Variants in ABHD12 observed in about 807,000 individuals in gnomAD.
The protein encoded by ABHD12 is lysophosphatidylserine lipase ABHD12.
Under a neutral mutation model 58.3 loss-of-function variants are expected in ABHD12, and 43 were observed. The observed-to-expected ratio is 0.74, with a 90% CI of 0.58 to 0.95. The LOEUF is 0.95. ABHD12 is among the 40% of genes least tolerant of loss of function. The pLI, the probability that ABHD12 is intolerant of heterozygous loss-of-function variation, is 0.00. For synonymous variants in ABHD12, 219 were observed against 211.2 expected (o/e 1.04, Z -0.32); for missense variants, 539 against 537.2 (o/e 1.00, Z -0.03).
Position 25,300,291 on chromosome 20 carries a change from G to T in ABHD12, c.*554C>A. 2 of 1,025,804 alleles carry T rather than the reference G, an allele frequency of 1.9e-6. No homozygotes were observed. The highest frequency in any genetic ancestry group is 4.9e-4 in the Middle Eastern group (1 of 2,056). The allele number at this position is 1,025,804 out of a possible 1,614,324, so 63.5% of individuals were successfully genotyped here. On this transcript the variant is annotated 3_prime_UTR_variant, in exon 13 of 13. Coordinates refer to ENST00000339157, the MANE Select transcript of ABHD12 (RefSeq NM_001042472.3). ...GGTGTACAGGTAGGTGAAAGGGGAG[G>T]AAGTGCAGATCCCGGGCACTTCCAC...
rs561806071 is a variant in ABHD12, at chr20:25,341,415, T to C, written c.192-2064A>G. On this transcript the variant is annotated intron_variant, in intron 1 of 12. Coordinates refer to ENST00000339157, the MANE Select transcript of ABHD12 (RefSeq NM_001042472.3). ...GTCATCTTAAACGCCATACATGATC[T>C]AGCTTTTCAATGAGGGTACATTAAT... Among the ~76,000 whole-genome samples the C allele has an allele frequency of 2.6e-5, 4 of 152,336 alleles. No homozygotes were observed. In the East Asian group the frequency reaches 7.7e-4, roughly 29 times the overall value.
In ABHD12 at chr20:25,300,519, TC is replaced by T. The variant is rs1229609316; in HGVS notation, c.*325del. The stretch of plus-strand genomic sequence containing the variant: ...AGCCCCAAGAGTCCCCTGCCCGGAC[TC>T]CCCCTGTCCAGCTCAGTGCAGCATC... On this transcript the variant is annotated 3_prime_UTR_variant, in exon 13 of 13. Coordinates refer to ENST00000339157, the MANE Select transcript of ABHD12 (RefSeq NM_001042472.3). The T allele has an allele frequency of 3.0e-6, 4 of 1,326,180 alleles. No individual in the cohort carries two copies. The African/African-American group carries it at 4.5e-5, about 15-fold the overall frequency. The allele number at this position is 1,326,180 out of a possible 1,614,324, so 82.2% of individuals were successfully genotyped here.
In ABHD12 at chr20:25,317,071, C is replaced by T. The variant is rs368549138; in HGVS notation, c.550G>A (p.Asp184Asn). The change falls in exon 5 of 13, where the codon GAC becomes AAC. Residue 184 changes from aspartate to asparagine, a missense_variant. Transcript: ENST00000339157. The part of the protein sequence containing the change: ...LHGNAGTRGG[D>N]HRVELYKVLS... ...ACCTTGTAAAGCTCCACGCGGTGGTCGCCTCCTCTGGAGAAGAAAACAGGA... is the reference window on the plus strand; with the variant it reads ...ACCTTGTAAAGCTCCACGCGGTGGTTGCCTCCTCTGGAGAAGAAAACAGGA... 3.4e-5 allele frequency: 55 copies of T among 1,612,378 alleles called. No homozygotes were observed. The highest frequency in any genetic ancestry group is 4.6e-5 in the Non-Finnish European group (54 of 1,179,208).
At chr20:25,379,006 T>C (rs1246076811) in intron 1 of ABHD12, among the ~76,000 whole-genome samples, 1 of 152,252 alleles carries the variant, frequency 6.6e-6, no homozygotes, top group Non-Finnish European at 1.5e-5. Flanking sequence ...CTTAGCAATC[T>C]GTGTACCAGC....
At chr20:25,357,841 C>A (rs2089689096) in intron 1 of ABHD12, among the ~76,000 whole-genome samples, 1 of 152,028 alleles carries the variant, frequency 6.6e-6, no homozygotes, top group Admixed American at 6.6e-5. Context: ...CAAAACCCTG[C>A]CTCTACAAAC....
intron 6 of ABHD12, 58 bp downstream of exon 6, chr20:25,314,867 G>T (rs2088930640): frequency 6.3e-7 from 1 of 1,593,296 alleles, no homozygotes; most frequent in Non-Finnish European, 8.6e-7. Flanking sequence ...CCTGCCCATG[G>T]GATACCGCCA....
chr20:25,327,256 C>A (rs2145992361), intron 2 of ABHD12, among the ~76,000 whole-genome samples: 1 of 152,306 alleles, frequency 6.6e-6, no homozygotes, highest in Non-Finnish European at 1.5e-5. Context: ...ATCACGAGGT[C>A]AGGAGTTTGA....
intron 7 of ABHD12, 35 bp downstream of exon 7, chr20:25,309,411 C>A (rs755308494): frequency 6.2e-7 from 1 of 1,613,586 alleles, no homozygotes; most frequent in African/African-American, 1.3e-5. Flanking sequence ...AATACTGACT[C>A]CCACTAAAGG....
intron 6 of ABHD12, among the ~76,000 whole-genome samples, chr20:25,314,476 G>A (rs2145953410): frequency 6.6e-6 from 1 of 152,130 alleles, no homozygotes; most frequent in East Asian, 1.9e-4. Context: ...CCAGGAGTCT[G>A]AGACTAGCCT....
intron 1 of ABHD12, among the ~76,000 whole-genome samples, chr20:25,382,442 T>C (rs943866170): frequency 5.9e-5 from 9 of 152,104 alleles, no homozygotes; most frequent in East Asian, 1.9e-4. Flanking sequence ...GTGAAGAGCA[T>C]TGACTTCATC....
chr20:25,365,866 T>C (rs891661004), intron 1 of ABHD12, among the ~76,000 whole-genome samples: 2 of 151,976 alleles, frequency 1.3e-5, no homozygotes, highest in Non-Finnish European at 2.9e-5. Flanking sequence ...CTGGACAACA[T>C]AGGTTTCTAC....
At chr20:25,319,685 A>G (rs2089029920) in intron 4 of ABHD12, among the ~76,000 whole-genome samples, 1 of 152,158 alleles carries the variant, frequency 6.6e-6, no homozygotes, top group South Asian at 2.1e-4. Flanking sequence ...AGCGCGAGGC[A>G]CCCACAGCCA....
intron 3 of ABHD12, among the ~76,000 whole-genome samples, chr20:25,322,372 TA>T (rs1309765556): frequency 2.0e-5 from 1 of 50,606 alleles, no homozygotes; most frequent in Non-Finnish European, 3.8e-5. Flanking sequence ...GATATATATA[TA>T]TATATATATT....
At position 25,314,966 on chromosome 20, in the gene ABHD12, A is replaced by T. The variant is rs779240840; in HGVS notation, c.578T>A (p.Leu193Gln). ...GDHRVELYKV[L>Q]SSLGYHVVTF... is the part of the protein sequence containing the mutation. ...GACCACATGGTAACCAAGGGAACTCAGCACCTGTAAAGTGAAAAATAAACA... is the reference window on the plus strand; with the variant it reads ...GACCACATGGTAACCAAGGGAACTCTGCACCTGTAAAGTGAAAAATAAACA... Residue 193 changes from leucine (L) to glutamine (Q), a missense_variant, in exon 6 of 13, where the codon CTG (leucine) becomes CAG (glutamine). Physicochemically the swap from Leu to Gln is moderately radical, Grantham distance 113. Transcript: ENST00000339157. 5 of 1,614,138 alleles carry T rather than the reference A, an allele frequency of 3.1e-6. No homozygotes were observed. In the South Asian group the frequency reaches 3.3e-5, roughly 11 times the overall value.
intron 3 of ABHD12, among the ~76,000 whole-genome samples, chr20:25,323,017 C>T (rs1276149602): frequency 3.3e-5 from 5 of 152,326 alleles, no homozygotes; most frequent in South Asian, 2.1e-4. Flanking sequence ...GCCACTGTGC[C>T]GGCCACTTAT....
At chr20:25,355,645 G>A (rs1250528204) in intron 1 of ABHD12, among the ~76,000 whole-genome samples, 4 of 151,970 alleles carry the variant, frequency 2.6e-5, no homozygotes, top group African/African-American at 9.7e-5. Context: ...TGCAACCTCC[G>A]CCTCCCGGGT....
intron 1 of ABHD12, among the ~76,000 whole-genome samples, chr20:25,375,021 A>C (rs2089945133): frequency 6.6e-6 from 1 of 152,168 alleles, no homozygotes; most frequent in Non-Finnish European, 1.5e-5. Context: ...TTAAGGAGGT[A>C]ATTATGCTAA....
chr20:25,371,919 T>C (rs961625136), intron 1 of ABHD12, among the ~76,000 whole-genome samples: 35 of 152,176 alleles, frequency 2.3e-4, no homozygotes, highest in African/African-American at 8.4e-4. Flanking sequence ...AGGCATTCAG[T>C]GCTATATTTT....
chr20:25,313,060 G>A (rs1190749283), intron 6 of ABHD12, among the ~76,000 whole-genome samples: 9 of 151,450 alleles, frequency 5.9e-5, no homozygotes, highest in African/African-American at 9.7e-5. Context: ...CCCTCTGCCC[G>A]GCTGCCACCC....
Sources: allele counts gnomAD v4.1 joint callset (sites outside exome capture counted in the v4.1 genomes callset), GRCh38; gene constraint gnomAD v4.1.1; transcripts MANE v1.5; gene names NCBI Gene and HGNC (gene_info 2026-07-23, HGNC 2026-07-21).